The following CEP192 variants were observed in gnomAD, a reference collection of about 807,000 sequenced individuals.
CEP192 encodes centrosomal protein of 192 kDa.
In CEP192, 151 loss-of-function variants were observed where a neutral mutation model predicts 271.8. The observed-to-expected ratio is 0.56, with a 90% CI of 0.49 to 0.64. The LOEUF is 0.64. Ranked by LOEUF, CEP192 falls within the 30% of genes least tolerant of loss-of-function variation. The probability of loss-of-function intolerance (pLI) is 0.00; values close to 1 mark genes in which losing one functional copy is unlikely to be tolerated. For synonymous variants in CEP192, 995 were observed against 1,076.5 expected (o/e 0.92, Z 1.48); for missense variants, 2,910 against 3,020.5 (o/e 0.96, Z 0.86).
chr18:13,020,326 T>TA (rs2034917208), intron 9 of CEP192, among the ~76,000 whole-genome samples: 1 of 152,244 alleles, frequency 6.6e-6, no homozygotes, highest in Non-Finnish European at 1.5e-5. Flanking sequence ...AGTGAAATCA[T>TA]ACAATATTTG....
At chr18:13,054,276 A>G (rs535292701) in intron 18 of CEP192, among the ~76,000 whole-genome samples, 283 of 152,354 alleles carry the variant, frequency 1.9e-3, no homozygotes, top group Middle Eastern at 6.8e-3. Flanking sequence ...TAGCAGTGGG[A>G]ATAGAATAGA....
chr18:13,026,783 C>T (rs1192492846), intron 9 of CEP192, among the ~76,000 whole-genome samples: 3 of 152,118 alleles, frequency 2.0e-5, no homozygotes, highest in Admixed American at 6.6e-5. Context: ...TCTGTTCTTT[C>T]ATGTTGTCTG....
intron 3 of CEP192, among the ~76,000 whole-genome samples, chr18:13,005,966 C>T (rs2033955604): frequency 6.6e-6 from 1 of 152,168 alleles, no homozygotes; most frequent in Non-Finnish European, 1.5e-5. Context: ...ACTATGTTTT[C>T]TCTCTGGAAA....
chr18:12,992,598 C>T (rs779643014), intron 1 of CEP192, among the ~76,000 whole-genome samples: 1 of 152,060 alleles, frequency 6.6e-6, no homozygotes, highest in Non-Finnish European at 1.5e-5. Context: ...GTGGGTAATG[C>T]AATAATGTGA....
intron 17 of CEP192, among the ~76,000 whole-genome samples, chr18:13,051,791 C>T (rs1258275313): frequency 6.6e-6 from 1 of 152,248 alleles, no homozygotes; most frequent in Non-Finnish European, 1.5e-5. Flanking sequence ...GATCCACCCT[C>T]CTCGGCCTCC....
At chr18:13,105,572 C>T (rs75702265) in intron 40 of CEP192, among the ~76,000 whole-genome samples, 2,836 of 152,278 alleles carry the variant, frequency 0.019, 81 homozygotes, top group African/African-American at 0.064. Context: ...ATTCTAATTG[C>T]CGAAACTTAC....
intron 30 of CEP192, among the ~76,000 whole-genome samples, chr18:13,084,272 C>G (rs1052850553): frequency 1.3e-5 from 2 of 152,182 alleles, no homozygotes; most frequent in African/African-American, 4.8e-5. Flanking sequence ...CTACGGTGGG[C>G]TCCACCCAGT....
intron 44 of CEP192, among the ~76,000 whole-genome samples, chr18:13,120,954 CAG>C (rs1405963413): frequency 6.6e-6 from 1 of 152,228 alleles, no homozygotes. Context: ...TCCTTTGTAA[CAG>C]AGAATGACCT....
rs369803493 is a variant in CEP192, at chr18:13,057,707, C to T, written c.4231C>T (p.Leu1411Phe). 3 of 1,613,864 alleles carry T rather than the reference C, an allele frequency of 1.9e-6. No homozygotes were observed. In the African/African-American group the frequency reaches 4.0e-5, roughly 22 times the overall value. Reference protein sequence around the residue: ...DRWLQVSIGVLSISVNGEKVD... With the variant: ...DRWLQVSIGVFSISVNGEKVD... ...CTGGCTGCAAGTCAGCATTGGGGTC[C>T]TCAGCATTAGTGTTAATGGTGAAAA... Residue 1411 changes from leucine to phenylalanine, a missense_variant, in exon 20 of 45, where the codon CTC (leucine) becomes TTC (phenylalanine). Leu to Phe is a conservative substitution (Grantham distance 22, BLOSUM62 0). Transcript: ENST00000506447.
chr18:13,096,096 A>G (rs111330684), intron 35 of CEP192, 88 bp from the exon 36 acceptor site: 5 of 1,355,316 alleles, frequency 3.7e-6, no homozygotes, highest in African/African-American at 1.4e-5. Flanking sequence ...TTGTATATCT[A>G]TTTAGGGTTC....
At chr18:13,113,807 A>G (rs2040313622) in intron 41 of CEP192, 102 bp downstream of exon 41, 3 of 1,062,104 alleles carry the variant, frequency 2.8e-6, no homozygotes, top group South Asian at 3.4e-5. Context: ...ATATAGCCCC[A>G]TAATCTTAAT....
In CEP192 at chr18:13,087,446, T is replaced by C. The variant is rs1306322687; in HGVS notation, c.5878-85T>C. 6.0e-5 allele frequency: 56 copies of C among 936,538 alleles called. 2 individuals are homozygous for C. In the South Asian group the frequency reaches 8.1e-4, roughly 13 times the overall value. The allele number at this position is 936,538 out of a possible 1,614,324, so 58.0% of individuals were successfully genotyped here. The stretch of plus-strand genomic sequence containing the variant: ...TATGCACTTGTGTCTGTGTCGAATT[T>C]TTAGGCTCGTAAGATTGTTGAATCA... On this transcript the variant is annotated intron_variant, in intron 31 of 44. Coordinates refer to ENST00000506447, the MANE Select transcript of CEP192 (RefSeq NM_032142.4).
rs780626932 is a variant in CEP192, at chr18:13,068,904, C to T, written c.4875C>T (p.Asp1625=). ...CGGCAAAAGTTGATATCGAAGTTGACAGCCCAAACCCTACGCCCGTTCTTA... is the reference window on the plus strand; with the variant it reads ...CGGCAAAAGTTGATATCGAAGTTGATAGCCCAAACCCTACGCCCGTTCTTA... ...EFSAKVDIEV[D]SPNPTPVLRS... The change falls in exon 25 of 45, where the codon GAC becomes GAT. Residue 1625 remains aspartate (D), a synonymous_variant. Coordinates refer to ENST00000506447, the MANE Select transcript of CEP192 (RefSeq NM_032142.4). 10 of 1,614,148 alleles carry T rather than the reference C, an allele frequency of 6.2e-6. No individual in the cohort carries two copies. Among genetic ancestry groups the T allele is most frequent in the Non-Finnish European group, 8.5e-6 (10 of 1,180,006 alleles).
intron 30 of CEP192, among the ~76,000 whole-genome samples, chr18:13,077,881 T>A (rs1368700909): frequency 6.6e-6 from 1 of 152,230 alleles, no homozygotes; most frequent in Non-Finnish European, 1.5e-5. Flanking sequence ...GTTAACATTT[T>A]GCTATATTTC....
At chr18:12,999,303 A>G (rs1168694770) in intron 1 of CEP192, 118 bp from the exon 2 acceptor site, 3 of 715,876 alleles carry the variant, frequency 4.2e-6, no homozygotes, top group African/African-American at 3.6e-5. Context: ...CCCCCTTACT[A>G]ATGCTAAAAA....
intron 11 of CEP192, among the ~76,000 whole-genome samples, chr18:13,036,647 C>T (rs1022488572): frequency 6.6e-6 from 1 of 152,132 alleles, no homozygotes; most frequent in African/African-American, 2.4e-5. Context: ...GCCCTCTTTG[C>T]CCATTTGCCC....
At chr18:13,081,066 C>T (rs997117357) in intron 30 of CEP192, among the ~76,000 whole-genome samples, 9 of 152,080 alleles carry the variant, frequency 5.9e-5, no homozygotes, top group African/African-American at 1.7e-4. Flanking sequence ...ATTTTCCCAT[C>T]GATGTTCATC....
At chr18:13,062,102 T>C (rs73419515) in intron 21 of CEP192, among the ~76,000 whole-genome samples, 1 of 152,196 alleles carries the variant, frequency 6.6e-6, no homozygotes, top group South Asian at 2.1e-4. Flanking sequence ...GGTGTGCTCA[T>C]TGGAATCACC....
chr18:13,116,554 C>T (rs936521166), intron 43 of CEP192, 51 bp downstream of exon 43: 34 of 1,474,050 alleles, frequency 2.3e-5, no homozygotes, highest in Non-Finnish European at 3.0e-5. Flanking sequence ...GCATTCAACT[C>T]TGATAACAAA....
Sources: allele counts gnomAD v4.1 joint callset (sites outside exome capture counted in the v4.1 genomes callset), GRCh38; gene constraint gnomAD v4.1.1; transcripts MANE v1.5; gene names NCBI Gene and HGNC (gene_info 2026-07-23, HGNC 2026-07-21).